Variants in ZFHX3 observed in about 807,000 individuals in gnomAD.
The protein encoded by ZFHX3 is zinc finger homeobox 3, also known as zinc finger homeobox protein 3.
ZFHX3 carries 42 observed loss-of-function variants against 279.1 expected under a neutral mutation model. The ratio of observed to expected loss-of-function variants is 0.15; its 90% CI spans 0.12 to 0.19. ZFHX3 has a LOEUF of 0.19. ZFHX3 is among the 10% of genes least tolerant of loss of function. ZFHX3 has a pLI of 1.00. For synonymous variants in ZFHX3, 2,293 were observed against 1,957.8 expected (o/e 1.17, Z -4.52); for missense variants, 4,981 against 4,754.0 (o/e 1.05, Z -1.40).
At chr16:73,140,976 T>C (rs1966846456) in intron 6 of ZFHX3, among the ~76,000 whole-genome samples, 2 of 152,216 alleles carry the variant, frequency 1.3e-5, no homozygotes, top group Admixed American at 1.3e-4. Flanking sequence ...CTTTGACTTC[T>C]CTCTAGCCTT....
At chr16:73,243,799 C>A in intron 5 of ZFHX3, among the ~76,000 whole-genome samples, 1 of 151,996 alleles carries the variant, frequency 6.6e-6, no homozygotes, top group East Asian at 1.9e-4. Flanking sequence ...TTTGGACTTA[C>A]GCAACAGATC....
At chr16:73,528,685 C>A (rs548006584) in intron 2 of ZFHX3, among the ~76,000 whole-genome samples, 29 of 152,316 alleles carry the variant, frequency 1.9e-4, no homozygotes, top group African/African-American at 7.0e-4. Context: ...GCTATGAACT[C>A]TTATTCCTGA....
intron 3 of ZFHX3, among the ~76,000 whole-genome samples, chr16:73,408,275 A>G (rs1212056250): frequency 1.3e-5 from 2 of 152,094 alleles, no homozygotes; most frequent in Non-Finnish European, 2.9e-5. Flanking sequence ...GTGTGGATGA[A>G]ATGATCTTGG....
intron 3 of ZFHX3, among the ~76,000 whole-genome samples, chr16:73,425,002 C>A (rs377531873): frequency 6.6e-6 from 1 of 152,100 alleles, no homozygotes; most frequent in Non-Finnish European, 1.5e-5. Context: ...AGACCACCAG[C>A]GGGAGTGCGT....
At chr16:73,170,173 T>C (rs1250784666) in intron 5 of ZFHX3, among the ~76,000 whole-genome samples, 1 of 150,804 alleles carries the variant, frequency 6.6e-6, no homozygotes, top group African/African-American at 2.4e-5. Flanking sequence ...AAATTGTTCA[T>C]TTACTTTGGA....
intron 2 of ZFHX3, among the ~76,000 whole-genome samples, chr16:73,537,314 C>CTTTTTTTTTTT (rs3051948): frequency 3.9e-5 from 3 of 77,628 alleles, no homozygotes; most frequent in Non-Finnish European, 2.5e-5. Flanking sequence ...CTTTCTTCTT[C>CTTTTTTTTTTT]TTTTTTTTTT....
intron 2 of ZFHX3, among the ~76,000 whole-genome samples, chr16:73,605,641 TA>T (rs909885718): frequency 1.4e-5 from 2 of 138,490 alleles, no homozygotes; most frequent in East Asian, 4.3e-4. Flanking sequence ...TAATCTAACA[TA>T]GGGGGAGAGT....
chr16:73,849,250 C>G (rs746293425), intron 1 of ZFHX3, among the ~76,000 whole-genome samples: 1 of 152,210 alleles, frequency 6.6e-6, no homozygotes, highest in Non-Finnish European at 1.5e-5. Flanking sequence ...ATATGAACTT[C>G]TGCTATGAAG....
chr16:72,872,835 G>C (rs2038197171), intron 4 of ZFHX3, among the ~76,000 whole-genome samples: 1 of 152,182 alleles, frequency 6.6e-6, no homozygotes, highest in Admixed American at 6.5e-5. Context: ...GGTGGGGGAT[G>C]GGCAAAACTA....
In ZFHX3 at chr16:73,686,091, T is replaced by TATTG. The variant is rs531757434; in HGVS notation, c.-1607-5852_-1607-5851insCAAT. Among the ~76,000 whole-genome samples the TATTG allele has an allele frequency of 1.6e-4, 24 of 152,110 alleles. No individual in the cohort carries two copies. The East Asian group carries it at 4.4e-3, about 28-fold the overall frequency. On this transcript the variant is annotated intron_variant, in intron 1 of 17. Transcript: ENST00000641206. The stretch of plus-strand genomic sequence containing the variant: ...GGTAATAGTATATTCAGACATTTCT[T>TATTG]ATTTATTTATTTATTTATTTATTTG...
intron 1 of ZFHX3, among the ~76,000 whole-genome samples, chr16:73,717,139 C>T (rs772418509): frequency 5.3e-5 from 8 of 152,248 alleles, no homozygotes; most frequent in East Asian, 3.9e-4. Flanking sequence ...CTATTCTGAA[C>T]GCAGTTATAC....
chr16:73,335,647 C>T (rs549692127), intron 3 of ZFHX3, among the ~76,000 whole-genome samples: 1 of 152,252 alleles, frequency 6.6e-6, no homozygotes. Context: ...GTAATAATAA[C>T]GTCCCTGAAT....
intron 2 of ZFHX3, among the ~76,000 whole-genome samples, chr16:73,514,679 G>A (rs1028260117): frequency 1.3e-5 from 2 of 152,184 alleles, no homozygotes; most frequent in Non-Finnish European, 2.9e-5. Flanking sequence ...CAAAGAAGCC[G>A]AACCTCTGCC....
chr16:73,327,832 G>A (rs1330800189), intron 3 of ZFHX3, among the ~76,000 whole-genome samples: 3 of 152,164 alleles, frequency 2.0e-5, no homozygotes, highest in African/African-American at 4.8e-5. Flanking sequence ...TTTTGTTTCT[G>A]TCATTTGCCC....
intron 2 of ZFHX3, among the ~76,000 whole-genome samples, chr16:73,519,488 C>A (rs1190657442): frequency 6.6e-6 from 1 of 152,110 alleles, no homozygotes; most frequent in African/African-American, 2.4e-5. Context: ...TCATTCTCAT[C>A]CATAAGTTGT....
chr16:73,596,752 C>T (rs1247836240), intron 2 of ZFHX3, among the ~76,000 whole-genome samples: 2 of 152,208 alleles, frequency 1.3e-5, no homozygotes, highest in Non-Finnish European at 1.5e-5. Context: ...ATCTTCTCTA[C>T]TGAACAGTAA....
intron 4 of ZFHX3, among the ~76,000 whole-genome samples, chr16:72,849,334 T>C (rs1433229037): frequency 6.6e-6 from 1 of 152,010 alleles, no homozygotes; most frequent in Non-Finnish European, 1.5e-5. Context: ...TCCCAGCAGG[T>C]AGGGGGACAA....
intron 3 of ZFHX3, among the ~76,000 whole-genome samples, chr16:72,895,792 C>A (rs1390791213): frequency 1.3e-5 from 2 of 152,144 alleles, no homozygotes; most frequent in African/African-American, 2.4e-5. Context: ...CCAGCGTACT[C>A]CACCCTGGCT....
At chr16:73,289,822 G>A (rs2014723158) in intron 4 of ZFHX3, among the ~76,000 whole-genome samples, 1 of 152,134 alleles carries the variant, frequency 6.6e-6, no homozygotes, top group Non-Finnish European at 1.5e-5. Context: ...ATCCAGGAGG[G>A]AGTGTGAGAG....
Sources: gnomAD v4.1 joint callset for allele counts (sites outside exome capture counted in the v4.1 genomes callset) on GRCh38, gnomAD v4.1.1 for gene constraint, MANE v1.5 for transcripts, NCBI Gene and HGNC (gene_info 2026-07-23, HGNC 2026-07-21) for gene names.